Variants in PPHLN1 observed in about 807,000 individuals in gnomAD.
The protein encoded by PPHLN1 is periphilin 1.
In PPHLN1, 29 loss-of-function variants were observed where a neutral mutation model predicts 51.3. That is an observed-to-expected ratio of 0.57 (90% CI 0.42 to 0.77). The LOEUF (loss-of-function observed/expected upper bound fraction) is 0.77. Among genes scored for constraint, PPHLN1 ranks in the 30% least tolerant of loss-of-function variants. The pLI is 0.00. For synonymous variants in PPHLN1, 147 were observed against 147.8 expected, an observed-to-expected ratio of 0.99 and a Z score of 0.04; for missense variants, 436 against 438.4, an observed-to-expected ratio of 0.99 and a Z score of 0.05.
At chr12:42,384,187 C>T (rs1258585252) in intron 5 of PPHLN1, among the ~76,000 whole-genome samples, 1 of 150,836 alleles carries the variant, frequency 6.6e-6, no homozygotes, top group African/African-American at 2.4e-5. Flanking sequence ...TTTCTTGAAA[C>T]ATTTTAAGGC....
At chr12:42,446,115 GGGTTCGTCGGACGACACA>G (rs773302456), downstream of PPHLN1, 3 of 1,558,896 alleles carry the variant, frequency 1.9e-6, no homozygotes, top group Admixed American at 5.8e-5. Context: ...CGGAAGAAAC[GGGTTCGTCGGACGACACA>G]GCTTCGTCGG....
intron 9 of PPHLN1, among the ~76,000 whole-genome samples, chr12:42,402,668 G>GTT (rs148393837): frequency 4.7e-5 from 7 of 149,988 alleles, no homozygotes; most frequent in Non-Finnish European, 8.9e-5. Context: ...AGAATTTTAA[G>GTT]TTTTTTTTTT....
intron 7 of PPHLN1, 118 bp downstream of exon 7, chr12:42,387,653 A>T: frequency 7.4e-7 from 1 of 1,359,474 alleles, no homozygotes; most frequent in East Asian, 2.7e-5. Context: ...TGCATTTAAA[A>T]ACTTAAATTT....
At chr12:42,356,017 G>A (rs1159495465) in intron 4 of PPHLN1, among the ~76,000 whole-genome samples, 2 of 152,138 alleles carry the variant, frequency 1.3e-5, no homozygotes, top group Non-Finnish European at 2.9e-5. Flanking sequence ...CTTACAGAGG[G>A]CATCTAATAG....
At chr12:42,376,117 T>C (rs150896310) in intron 5 of PPHLN1, among the ~76,000 whole-genome samples, 1 of 152,358 alleles carries the variant, frequency 6.6e-6, no homozygotes, top group African/African-American at 2.4e-5. Context: ...GAGATGACAT[T>C]GGGCTCAGCC....
At chr12:42,414,101 A>G (rs1333480062) in intron 9 of PPHLN1, among the ~76,000 whole-genome samples, 2 of 152,110 alleles carry the variant, frequency 1.3e-5, no homozygotes, top group African/African-American at 2.4e-5. Context: ...CAATGGCACC[A>G]TCTCGGCTCA....
At chr12:42,412,266 T>C (rs114232236) in intron 9 of PPHLN1, among the ~76,000 whole-genome samples, 97 of 148,036 alleles carry the variant, frequency 6.6e-4, no homozygotes, top group African/African-American at 2.5e-3. Context: ...TGCTTGTGAG[T>C]CTCCATAGTC....
At chr12:42,333,811 G>C (rs1237714026) in intron 1 of PPHLN1, among the ~76,000 whole-genome samples, 1 of 152,122 alleles carries the variant, frequency 6.6e-6, no homozygotes, top group African/African-American at 2.4e-5. Flanking sequence ...TGTAAGTGTT[G>C]CTTTCCTTAA....
intron 9 of PPHLN1, among the ~76,000 whole-genome samples, chr12:42,411,911 A>AAAAG (rs2079875939): frequency 6.9e-6 from 1 of 144,810 alleles, no homozygotes; most frequent in African/African-American, 2.6e-5. Flanking sequence ...CTCAAAAAAA[A>AAAAG]AAAAAAAAAA....
At chr12:42,355,031 G>C (rs1273060386) in intron 3 of PPHLN1, 130 bp from the exon 4 acceptor site, 1 of 744,152 alleles carries the variant, frequency 1.3e-6, no homozygotes, top group Non-Finnish European at 2.3e-6. Context: ...ATGACTTGCT[G>C]AATGTTTTTC....
chr12:42,338,032 C>T (rs1423940026), intron 2 of PPHLN1, among the ~76,000 whole-genome samples: 5 of 152,084 alleles, frequency 3.3e-5, no homozygotes, highest in Admixed American at 6.6e-5. Flanking sequence ...GATCCACCCC[C>T]CTCAGCCTCC....
intron 9 of PPHLN1, among the ~76,000 whole-genome samples, chr12:42,420,542 C>T (rs531300016): frequency 1.3e-5 from 2 of 151,830 alleles, no homozygotes; most frequent in East Asian, 3.9e-4. Context: ...ACCATCTCAG[C>T]TCACTGCAAC....
At chr12:42,417,824 A>G (rs888976108) in intron 9 of PPHLN1, among the ~76,000 whole-genome samples, 7 of 151,964 alleles carry the variant, frequency 4.6e-5, no homozygotes, top group African/African-American at 1.7e-4. Flanking sequence ...CAAAATTAAA[A>G]AGACAAGTGA....
intron 9 of PPHLN1, among the ~76,000 whole-genome samples, chr12:42,421,390 A>G (rs1476275643): frequency 6.6e-6 from 1 of 152,180 alleles, no homozygotes. Flanking sequence ...TCTGTTGCCC[A>G]GGCTGGAGTA....
chr12:42,419,617 T>C (rs2139668494), intron 9 of PPHLN1, among the ~76,000 whole-genome samples: 1 of 152,354 alleles, frequency 6.6e-6, no homozygotes, highest in East Asian at 1.9e-4. Flanking sequence ...TTTTGAAGAT[T>C]GAATTGTAAT....
rs1201461929 is a variant in PPHLN1, at chr12:42,418,160, C to T, written c.909+19166C>T. ...TTCACTGTGTTAGCCAGGATGGTCT[C>T]GATCTCATGACCTCGTGATCTGCCC... On this transcript the variant is annotated intron_variant, in intron 9 of 9. Coordinates refer to ENST00000358314, the MANE Select transcript of PPHLN1 (RefSeq NM_201439.2). 2.8e-5 allele frequency among the ~76,000 whole-genome samples: 4 copies of T among 144,970 alleles called. No homozygotes were observed. The East Asian group carries it at 8.4e-4, about 30-fold the overall frequency.
chr12:42,330,632 C>T (rs2069568771), intron 1 of PPHLN1, among the ~76,000 whole-genome samples: 1 of 152,216 alleles, frequency 6.6e-6, no homozygotes, highest in African/African-American at 2.4e-5. Context: ...TTTCTGTGAG[C>T]ACAGGGTTGG....
chr12:42,434,261 AAC>A (rs1270732364), intron 9 of PPHLN1, among the ~76,000 whole-genome samples: 2 of 152,358 alleles, frequency 1.3e-5, no homozygotes, highest in Non-Finnish European at 2.9e-5. Context: ...GCGGGGGAAC[AAC>A]ACACACTGGG....
At chr12:42,392,761 G>C (rs1383913356) in intron 7 of PPHLN1, among the ~76,000 whole-genome samples, 2 of 152,112 alleles carry the variant, frequency 1.3e-5, no homozygotes, top group Non-Finnish European at 2.9e-5. Flanking sequence ...TTGATTTTCA[G>C]ATATGTTTTA....
Sources: allele counts gnomAD v4.1 joint callset (sites outside exome capture counted in the v4.1 genomes callset), GRCh38; gene constraint gnomAD v4.1.1; transcripts MANE v1.5; gene names NCBI Gene and HGNC (gene_info 2026-07-23, HGNC 2026-07-21).